Variants in SUMF1 observed in about 807,000 individuals in gnomAD.
The protein encoded by SUMF1 is formylglycine-generating enzyme.
SUMF1 carries 48 observed loss-of-function variants against 47.6 expected under a neutral mutation model. The ratio of observed to expected loss-of-function variants is 1.01; its 90% CI spans 0.80 to 1.28. The LOEUF is 1.28. Ranked by LOEUF, SUMF1 falls within the 50% of genes most tolerant of loss-of-function variation. The pLI is 0.00. For missense variants in SUMF1, 571 were observed against 485.4 expected, an observed-to-expected ratio of 1.18 and a Z score of -1.66; for synonymous variants, 230 against 192.1, an observed-to-expected ratio of 1.20 and a Z score of -1.63.
intron 8 of SUMF1, among the ~76,000 whole-genome samples, chr3:4,164,767 G>C (rs1287762152): frequency 6.6e-6 from 1 of 152,024 alleles, no homozygotes; most frequent in East Asian, 1.9e-4. Flanking sequence ...AGGGCCCAGG[G>C]CTTGCTTTTG....
At chr3:4,167,751 G>A (rs1475221495) in intron 8 of SUMF1, among the ~76,000 whole-genome samples, 2 of 152,152 alleles carry the variant, frequency 1.3e-5, no homozygotes, top group East Asian at 1.9e-4. Context: ...ACAGCAGAAA[G>A]GTCAAAGAAG....
At chr3:4,253,371 G>A (rs1036805443) in intron 8 of SUMF1, among the ~76,000 whole-genome samples, 1 of 152,216 alleles carries the variant, frequency 6.6e-6, no homozygotes, top group Non-Finnish European at 1.5e-5. Flanking sequence ...TCACTAGGGA[G>A]TGCCAGACAG....
intron 7 of SUMF1, among the ~76,000 whole-genome samples, chr3:4,396,347 G>A (rs1701037665): frequency 1.3e-5 from 2 of 152,164 alleles, no homozygotes; most frequent in African/African-American, 4.8e-5. Context: ...AGTTCCACAA[G>A]GCCATAAAAG....
intron 3 of SUMF1, among the ~76,000 whole-genome samples, chr3:4,433,930 T>C (rs1406696360): frequency 6.6e-6 from 1 of 152,216 alleles, no homozygotes; most frequent in Non-Finnish European, 1.5e-5. Context: ...TATGTCACCA[T>C]ACATATCCAG....
chr3:4,434,692 A>AT (rs1170932499), intron 3 of SUMF1, among the ~76,000 whole-genome samples: 1 of 152,208 alleles, frequency 6.6e-6, no homozygotes, highest in Non-Finnish European at 1.5e-5. Flanking sequence ...ATACTAGTGA[A>AT]TAAAAAACTA....
intron 8 of SUMF1, among the ~76,000 whole-genome samples, chr3:4,346,096 A>T (rs1699367876): frequency 6.6e-6 from 1 of 152,224 alleles, no homozygotes; most frequent in Non-Finnish European, 1.5e-5. Context: ...TCAACACTCC[A>T]CTATCAGTAT....
chr3:4,348,387 A>G (rs150446544), intron 8 of SUMF1, among the ~76,000 whole-genome samples: 2,054 of 152,246 alleles, frequency 0.013, 55 homozygotes, highest in African/African-American at 0.046. Context: ...ATCTACAACC[A>G]TCTGATCTTT....
intron 8 of SUMF1, among the ~76,000 whole-genome samples, chr3:4,261,243 T>C (rs569904337): frequency 5.9e-5 from 9 of 152,174 alleles, no homozygotes; most frequent in Non-Finnish European, 1.3e-4. Flanking sequence ...ATAAATAACA[T>C]GCAGAGAGAG....
At chr3:4,340,990 T>A (rs528062383) in intron 8 of SUMF1, among the ~76,000 whole-genome samples, 1 of 152,162 alleles carries the variant, frequency 6.6e-6, no homozygotes, top group African/African-American at 2.4e-5. Flanking sequence ...TTCCACACAA[T>A]ATCCTTTGTG....
chr3:4,438,866 C>T (rs1044060847), intron 3 of SUMF1, among the ~76,000 whole-genome samples: 6 of 152,150 alleles, frequency 3.9e-5, no homozygotes, highest in Non-Finnish European at 5.9e-5. Flanking sequence ...TTCAAATACA[C>T]GATTTATTTA....
At chr3:4,313,728 T>C (rs745829583) in intron 8 of SUMF1, 44 of 1,613,936 alleles carry the variant, frequency 2.7e-5, no homozygotes, top group Non-Finnish European at 1.7e-6. Context: ...CAGCCCCTTC[T>C]GTGTTCCCCT....
At chr3:4,346,204 C>A (rs1699369785) in intron 8 of SUMF1, among the ~76,000 whole-genome samples, 2 of 152,148 alleles carry the variant, frequency 1.3e-5, no homozygotes, top group Admixed American at 6.5e-5. Context: ...GAACTCTCTA[C>A]CCCAAATTAA....
rs9311354 is a variant in SUMF1, at chr3:4,447,935, A to T, written c.519+1331T>A. 2.8e-3 allele frequency among the ~76,000 whole-genome samples: 421 copies of T among 152,300 alleles called. 1 individual carries two copies. The highest frequency in any genetic ancestry group is 9.7e-3 in the African/African-American group (402 of 41,546). On this transcript the variant is annotated intron_variant, in intron 3 of 8. Transcript: ENST00000272902. Reference sequence around the variant, plus strand: ...TCTGAAAAGGCAAATTACAAAAATAAGCGCAAACGCCCACCCTCACCTGAA... The same window carrying T: ...TCTGAAAAGGCAAATTACAAAAATATGCGCAAACGCCCACCCTCACCTGAA...
intron 8 of SUMF1, among the ~76,000 whole-genome samples, chr3:4,135,220 C>A (rs546538605): frequency 6.6e-6 from 1 of 152,136 alleles, no homozygotes; most frequent in South Asian, 2.1e-4. Flanking sequence ...TGCAAAAATC[C>A]TCAATAAAAT....
intron 8 of SUMF1, chr3:4,303,736 T>G: frequency 6.7e-7 from 1 of 1,494,366 alleles, no homozygotes; most frequent in Non-Finnish European, 9.0e-7. Flanking sequence ...GTTGTCCTTT[T>G]CAGTCCATTC....
intron 8 of SUMF1, among the ~76,000 whole-genome samples, chr3:4,281,053 G>T (rs948178520): frequency 6.6e-6 from 1 of 152,058 alleles, no homozygotes; most frequent in Admixed American, 6.6e-5. Context: ...GGGTCGGGGG[G>T]CCACAAATCA....
intron 8 of SUMF1, among the ~76,000 whole-genome samples, chr3:4,209,715 A>G (rs1395809042): frequency 6.6e-6 from 1 of 152,152 alleles, no homozygotes; most frequent in African/African-American, 2.4e-5. Flanking sequence ...ACTATATGCT[A>G]ACAAGTAACT....
intron 1 of SUMF1, 30 bp downstream of exon 1, chr3:4,466,946 C>G (rs185787200): frequency 5.0e-6 from 8 of 1,602,844 alleles, no homozygotes; most frequent in Non-Finnish European, 6.0e-6. Context: ...CGAGCAGCCC[C>G]CACCCGCCTC....
intron 8 of SUMF1, among the ~76,000 whole-genome samples, chr3:4,294,724 G>C (rs1006141745): frequency 6.6e-6 from 1 of 152,062 alleles, no homozygotes; most frequent in Non-Finnish European, 1.5e-5. Flanking sequence ...AAACATATCT[G>C]TGTTTACCAT....
Sources: gnomAD v4.1 joint callset for allele counts (sites outside exome capture counted in the v4.1 genomes callset) on GRCh38, gnomAD v4.1.1 for gene constraint, MANE v1.5 for transcripts, NCBI Gene and HGNC (gene_info 2026-07-23, HGNC 2026-07-21) for gene names.